Variants in FLG2 observed in about 807,000 individuals in gnomAD.
FLG2 encodes filaggrin 2.
In FLG2, 7 loss-of-function variants were observed where a neutral mutation model predicts 3.9. That is an observed-to-expected ratio of 1.79 (90% confidence interval 1.02 to 3.36). FLG2 has a LOEUF of 3.36. Ranked by LOEUF, FLG2 falls within the 30% of genes most tolerant of loss-of-function variation. The pLI is 0.00. For synonymous variants in FLG2, 1,031 were observed against 1,056.1 expected, an observed-to-expected ratio of 0.98 and a Z score of 0.46; for missense variants, 2,700 against 2,809.4, an observed-to-expected ratio of 0.96 and a Z score of 0.88.
At position 152,355,979 on chromosome 1, in the gene FLG2, A is replaced by T. The variant is rs1268801188; in HGVS notation, c.1807T>A (p.Ser603Thr). 6.2e-7 allele frequency: 1 copy of T among 1,612,524 alleles called. No individual in the cohort carries two copies. Among genetic ancestry groups the T allele is most frequent in the Non-Finnish European group, 8.5e-7 (1 of 1,179,786 alleles). The part of the protein sequence containing the change: ...FGQHGSGSGQ[S>T]SGFGQHESRS... ...GACTCATGTTGTCCAAAGCCAGAGG[A>T]TTGTCCTGAGCCAGACCCATGTTGT... Residue 603 changes from serine to threonine, a missense_variant, in exon 3 of 3, where the codon TCC becomes ACC. Transcript: ENST00000388718.
At chr1:152,358,624 A>G (rs2101683091) in intron 2 of FLG2, 123 bp downstream of exon 2, 1 of 902,828 alleles carries the variant, frequency 1.1e-6, no homozygotes, top group Non-Finnish European at 1.6e-6. Context: ...GGCATCCCCA[A>G]AATACCACTC....
rs1292586116 is a variant in FLG2 at position 152,350,644 on chromosome 1, T to A, written c.7142A>T (p.Asp2381Val). ...AGACAGTTGCTTGTTTGCAGTGCTG[T>A]CTGTTGACCATGAAAGGTGAGAATT... ...ISNSHLSWST[D>V]STANKQLSRH The change falls in exon 3 of 3, where the codon GAC becomes GTC. Residue 2381 changes from aspartate to valine, a missense_variant. Coordinates refer to ENST00000388718, the MANE Select transcript of FLG2 (RefSeq NM_001014342.3). The A allele has an allele frequency of 4.3e-6, 7 of 1,614,004 alleles. No homozygotes were observed. The highest frequency in any genetic ancestry group is 3.3e-5 in the Admixed American group (2 of 59,992).
Position 152,352,376 on chromosome 1 carries a change from T to A in FLG2, c.5410A>T (p.Ser1804Cys). The part of the protein sequence containing the change: ...RTTGRRSSGH[S>C]EYSDSEGHSG... ...TGCCCTTCACTGTCACTGTACTCACTGTGGCCAGATGACCTTCTTCCAGTG... is the reference window on the plus strand; with the variant it reads ...TGCCCTTCACTGTCACTGTACTCACAGTGGCCAGATGACCTTCTTCCAGTG... The change falls in exon 3 of 3, where the codon AGT (serine) becomes TGT (cysteine). Residue 1804 changes from serine (S) to cysteine (C), a missense_variant. Coordinates refer to ENST00000388718, the MANE Select transcript of FLG2 (RefSeq NM_001014342.3). 1.2e-6 allele frequency: 2 copies of A among 1,613,988 alleles called. No homozygotes were observed. The highest frequency in any genetic ancestry group is 1.7e-6 in the Non-Finnish European group (2 of 1,179,978).
Position 152,350,762 on chromosome 1 carries a change from G to A in FLG2, c.7024C>T (p.Gln2342Ter), listed in dbSNP as rs766729553. ...SSERQRHGSS[Q>*]VWKHGSYGPA... Reference sequence around the variant, plus strand: ...CCATAGCTGCCATGTTTCCAAACCTGACTTGATCCATGCCTTTGCCTTTCA... The same window carrying A: ...CCATAGCTGCCATGTTTCCAAACCTAACTTGATCCATGCCTTTGCCTTTCA... Residue 2342 changes from glutamine to a stop codon, truncating the protein, a stop_gained, in exon 3 of 3, where the codon CAG becomes TAG. Coordinates refer to ENST00000388718, the MANE Select transcript of FLG2 (RefSeq NM_001014342.3). LOFTEE classifies it low-confidence loss of function (END_TRUNC). 2 of 1,614,212 alleles carry A rather than the reference G, an allele frequency of 1.2e-6. No homozygotes were observed. The highest frequency in any genetic ancestry group is 1.7e-6 in the Non-Finnish European group (2 of 1,180,040).
chr1:152,357,015 T>C lies in FLG2; in HGVS notation c.771A>G (p.Arg257=), dbSNP rs1404959994. 1.2e-6 allele frequency: 2 copies of C among 1,614,082 alleles called. No homozygotes were observed. The highest frequency in any genetic ancestry group is 1.1e-5 in the South Asian group (1 of 91,082). Residue 257 remains arginine, a synonymous_variant, in exon 3 of 3, where the codon AGA becomes AGG. Transcript: ENST00000388718. Reference sequence around the variant, plus strand: ...TAGACCCAAGCTTTTGTTCTCTAATTCTTGACTGAGTAGAGTTTGATTCAT... The same window carrying C: ...TAGACCCAAGCTTTTGTTCTCTAATCCTTGACTGAGTAGAGTTTGATTCAT... ...SGHESNSTQS[R]IREQKLGSSC...
chr1:152,351,538 G>A lies in FLG2; in HGVS notation c.6248C>T (p.Ala2083Val), dbSNP rs144210410. The A allele has an allele frequency of 1.8e-5, 29 of 1,596,988 alleles. No homozygotes were observed. In the East Asian group the frequency reaches 6.6e-4, roughly 36 times the overall value. Reference protein sequence around the residue: ...HGQTGDTTRHAHSGHGQSTQR... With the variant: ...HGQTGDTTRHVHSGHGQSTQR... ...TGTGGACTGTCCATGACCAGAGTGAGCATGTCTAGTGGTATCTCCTGTCTG... is the reference window on the plus strand; with the variant it reads ...TGTGGACTGTCCATGACCAGAGTGAACATGTCTAGTGGTATCTCCTGTCTG... The change falls in exon 3 of 3, where the codon GCT (alanine) becomes GTT (valine). Residue 2083 changes from alanine to valine, a missense_variant. Ala to Val is a moderately conservative substitution (Grantham distance 64). Coordinates refer to ENST00000388718, the MANE Select transcript of FLG2 (RefSeq NM_001014342.3).
At position 152,353,796 on chromosome 1, in the gene FLG2, TC is replaced by T. The variant is rs1654074694; in HGVS notation, c.3989del (p.Gly1330AspfsTer206). ...TTCTGGAACCTGTCTGTGTAGACTGTCCATGACCAGAATGGCCATGTCTAGT... is the reference window on the plus strand; with the variant it reads ...TTCTGGAACCTGTCTGTGTAGACTGTCATGACCAGAATGGCCATGTCTAGT... The part of the protein sequence containing the change: ...DTTRHGHSGH[G>X]QSTQTGSRTS... On this transcript the variant is annotated frameshift_variant, in exon 3 of 3. Coordinates refer to ENST00000388718, the MANE Select transcript of FLG2 (RefSeq NM_001014342.3). LOFTEE classifies it low-confidence loss of function (END_TRUNC). 3 of 1,614,116 alleles carry T rather than the reference TC, an allele frequency of 1.9e-6. No individual in the cohort carries two copies. The highest frequency in any genetic ancestry group is 3.3e-4 in the Middle Eastern group (2 of 6,062).
At position 152,354,435 on chromosome 1, in the gene FLG2, T is replaced by C. The variant is rs1489767508; in HGVS notation, c.3351A>G (p.Gln1117=). ...PGSGQSSGFG[Q]YGSGSGQSSG... is the part of the protein sequence containing the mutation. ...AAGACTGACCTGAGCCCGATCCATA[T>C]TGGCCAAAGCCAGAGGACTGACCTG... Residue 1117 remains glutamine (Q), a synonymous_variant, in exon 3 of 3, where the codon CAA becomes CAG. Coordinates refer to ENST00000388718, the MANE Select transcript of FLG2 (RefSeq NM_001014342.3). 2.5e-6 allele frequency: 4 copies of C among 1,613,962 alleles called. No individual in the cohort carries two copies. Among genetic ancestry groups the C allele is most frequent in the Middle Eastern group, 1.6e-4 (1 of 6,084 alleles).
In FLG2 at chr1:152,354,468, C is replaced by A. The variant is rs181659846; in HGVS notation, c.3318G>T (p.Arg1106Ser). ...SGQTSGFGQH[R>S]PGSGQSSGFG... ...AGCCAGAGGACTGACCTGAGCCTGGCCTGTGTTGTCCAAATCCAGATGTCT... is the reference window on the plus strand; with the variant it reads ...AGCCAGAGGACTGACCTGAGCCTGGACTGTGTTGTCCAAATCCAGATGTCT... The change falls in exon 3 of 3, where the codon AGG becomes AGT. Residue 1106 changes from arginine to serine, a missense_variant. Physicochemically the swap from Arg to Ser is moderately radical, Grantham distance 110. Transcript: ENST00000388718. 8.2e-5 allele frequency: 132 copies of A among 1,613,790 alleles called. No individual in the cohort carries two copies. Among genetic ancestry groups the A allele is most frequent in the Non-Finnish European group, 1.1e-4 (126 of 1,179,946 alleles).
chr1:152,357,943 T>TGG (rs1654311241), intron 2 of FLG2, among the ~76,000 whole-genome samples: 1 of 152,194 alleles, frequency 6.6e-6, no homozygotes, highest in African/African-American at 2.4e-5. Flanking sequence ...ATTTCTAAGT[T>TGG]TTACATAAAT....
In FLG2 at chr1:152,355,343, C is replaced by G; in HGVS notation, c.2443G>C (p.Gly815Arg). 6.2e-7 allele frequency: 1 copy of G among 1,613,832 alleles called. No homozygotes were observed. Among genetic ancestry groups the G allele is most frequent in the Middle Eastern group, 1.7e-4 (1 of 6,060 alleles). Reference sequence around the variant, plus strand: ...TGTTGTCCAAAGCCAGCGGACTGACCTGAGCCTGATCCATATTGGCCAAAG... The same window carrying G: ...TGTTGTCCAAAGCCAGCGGACTGACGTGAGCCTGATCCATATTGGCCAAAG... ...TGFGQYGSGSGQSAGFGQHGS... is the reference protein window; with the variant it reads ...TGFGQYGSGSRQSAGFGQHGS... The change falls in exon 3 of 3, where the codon GGT (glycine) becomes CGT (arginine). Residue 815 changes from glycine (G) to arginine (R), a missense_variant. By Grantham distance (125) the Gly-to-Arg change is moderately radical (BLOSUM62 -2). Coordinates refer to ENST00000388718, the MANE Select transcript of FLG2 (RefSeq NM_001014342.3).
Position 152,356,122 on chromosome 1 carries a change from C to A in FLG2, c.1664G>T (p.Gly555Val), listed in dbSNP as rs759262972. The A allele has an allele frequency of 8.1e-6, 13 of 1,613,714 alleles. No homozygotes were observed. The highest frequency in any genetic ancestry group is 1.3e-5 in the African/African-American group (1 of 74,804). The change falls in exon 3 of 3, where the codon GGC becomes GTC. Residue 555 changes from glycine to valine, a missense_variant. Coordinates refer to ENST00000388718, the MANE Select transcript of FLG2 (RefSeq NM_001014342.3). The stretch of plus-strand genomic sequence containing the variant: ...CTCTCTAGACCCATATTGGCCATAG[C>A]CAGATGATTGACTTGAGCCAGAACC... ...QHGSGSSQSS[G>V]YGQYGSRETS...
chr1:152,352,330 G>A lies in FLG2; in HGVS notation c.5456C>T (p.Pro1819Leu), dbSNP rs769470163. The stretch of plus-strand genomic sequence containing the variant: ...GCCGTGAGTGTGTCCTCGTGAGTGT[G>A]GTCTTTGTGAGAACCCTGAGTGCCC... ...SEGHSGFSQR[P>L]HSRGHTHGQA... The change falls in exon 3 of 3, where the codon CCA (proline) becomes CTA (leucine). Residue 1819 changes from proline to leucine, a missense_variant. Pro to Leu is a moderately conservative substitution (Grantham distance 98). Coordinates refer to ENST00000388718, the MANE Select transcript of FLG2 (RefSeq NM_001014342.3). The A allele has an allele frequency of 1.4e-5, 23 of 1,605,316 alleles. No individual in the cohort carries two copies. Among genetic ancestry groups the A allele is most frequent in the Non-Finnish European group, 1.7e-5 (20 of 1,177,362 alleles).
At chr1:152,358,301 A>T (rs1413516828) in intron 2 of FLG2, among the ~76,000 whole-genome samples, 1 of 152,112 alleles carries the variant, frequency 6.6e-6, no homozygotes, top group African/African-American at 2.4e-5. Flanking sequence ...GATTACAGGC[A>T]TGAGCCACCG....
rs1277709892 is a variant in FLG2, at chr1:152,356,593, T to C, written c.1193A>G (p.Tyr398Cys). The C allele has an allele frequency of 1.9e-6, 3 of 1,613,992 alleles. No individual in the cohort carries two copies. Among genetic ancestry groups the C allele is most frequent in the African/African-American group, 2.7e-5 (2 of 74,912 alleles). The change falls in exon 3 of 3, where the codon TAT becomes TGT. Residue 398 changes from tyrosine to cysteine, a missense_variant. Tyr to Cys is a radical substitution (Grantham distance 194, BLOSUM62 -2). Coordinates refer to ENST00000388718, the MANE Select transcript of FLG2 (RefSeq NM_001014342.3). Reference protein sequence around the residue: ...SQSCSNGQHEYGSCGRFSNSS... With the variant: ...SQSCSNGQHECGSCGRFSNSS... The stretch of plus-strand genomic sequence containing the variant: ...GTTTGAAAAGCGGCCACAGGAACCA[T>C]ATTCATGTTGACCATTACTACAAGA...
In FLG2 at chr1:152,352,224, G is replaced by A; in HGVS notation, c.5562C>T (p.Thr1854=). ...CATGACCAGATTGAGAATGTCCACT[G>A]GTATCTCCTGTCTGTCCATGAGTAG... is the stretch of plus-strand genomic sequence containing the variant. The part of the protein sequence containing the change: ...HGTTHGQTGD[T]SGHSQSGHGQ... Residue 1854 remains threonine (T), a synonymous_variant, in exon 3 of 3, where the codon ACC becomes ACT. Transcript: ENST00000388718. 2 of 1,613,970 alleles carry A rather than the reference G, an allele frequency of 1.2e-6. No homozygotes were observed. Among genetic ancestry groups the A allele is most frequent in the Non-Finnish European group, 1.7e-6 (2 of 1,179,956 alleles).
At position 152,357,056 on chromosome 1, in the gene FLG2, A is replaced by G. The variant is rs1230221023; in HGVS notation, c.730T>C (p.Leu244=). The change falls in exon 3 of 3, where the codon TTG becomes CTG. Residue 244 remains leucine (L), a synonymous_variant. Coordinates refer to ENST00000388718, the MANE Select transcript of FLG2 (RefSeq NM_001014342.3). ...RKGHGGLSCG[L]ETSGHESNST... The stretch of plus-strand genomic sequence containing the variant: ...TTTGATTCATGCCCACTAGTCTCCA[A>G]TCCACATGACAGACCACCATGACCT... 4 of 1,613,996 alleles carry G rather than the reference A, an allele frequency of 2.5e-6. No homozygotes were observed. The highest frequency in any genetic ancestry group is 1.7e-5 in the Admixed American group (1 of 59,994).
chr1:152,358,666 G>T (rs1330345997), intron 2 of FLG2, 81 bp downstream of exon 2: 1 of 1,413,750 alleles, frequency 7.1e-7, no homozygotes, highest in East Asian at 2.4e-5. Flanking sequence ...CTGGGGCTGT[G>T]CACTTTTTAG....
chr1:152,354,527 A>T lies in FLG2; in HGVS notation c.3259T>A (p.Ser1087Thr). ...GQHGSGSSQSSGYGQHGSNSG... is the reference protein window; with the variant it reads ...GQHGSGSSQSTGYGQHGSNSG... ...TTTGACCCATGTTGACCATAGCCAGATGATTGACTTGAGCCAGAACCATGT... is the reference window on the plus strand; with the variant it reads ...TTTGACCCATGTTGACCATAGCCAGTTGATTGACTTGAGCCAGAACCATGT... Residue 1087 changes from serine (S) to threonine (T), a missense_variant, in exon 3 of 3, where the codon TCT becomes ACT. By Grantham distance (58) the Ser-to-Thr change is moderately conservative (BLOSUM62 1). Coordinates refer to ENST00000388718, the MANE Select transcript of FLG2 (RefSeq NM_001014342.3). The T allele has an allele frequency of 6.2e-7, 1 of 1,613,978 alleles. No homozygotes were observed. Among genetic ancestry groups the T allele is most frequent in the South Asian group, 1.1e-5 (1 of 91,060 alleles).
Sources: gnomAD v4.1 joint callset for allele counts (sites outside exome capture counted in the v4.1 genomes callset) on GRCh38, gnomAD v4.1.1 for gene constraint, MANE v1.5 for transcripts, NCBI Gene and HGNC (gene_info 2026-07-23, HGNC 2026-07-21) for gene names.